The following INPP4B variants were observed in gnomAD, a reference collection of about 807,000 sequenced individuals.
INPP4B encodes inositol polyphosphate 4-phosphatase type II.
In INPP4B, 55 loss-of-function variants were observed where a neutral mutation model predicts 122.5. The observed-to-expected ratio is 0.45, with a 90% CI of 0.36 to 0.56. The LOEUF is 0.56. Ranked by LOEUF, INPP4B falls within the 20% of genes least tolerant of loss-of-function variation. The pLI, the probability that INPP4B is intolerant of heterozygous loss-of-function variation, is 0.00. For missense variants in INPP4B, 1,000 were observed against 1,097.7 expected (o/e 0.91, Z 1.26); for synonymous variants, 403 against 388.7 (o/e 1.04, Z -0.43).
At chr4:142,209,486 TA>T (rs1243898195) in intron 12 of INPP4B, among the ~76,000 whole-genome samples, 8 of 151,940 alleles carry the variant, frequency 5.3e-5, no homozygotes, top group South Asian at 2.1e-4. Context: ...TAGTTACAAA[TA>T]TTTTTTTAAA....
At chr4:142,573,113 T>G (rs1314452870) in intron 2 of INPP4B, among the ~76,000 whole-genome samples, 1 of 151,866 alleles carries the variant, frequency 6.6e-6, no homozygotes, top group Non-Finnish European at 1.5e-5. Context: ...AGCAAGGACA[T>G]CTTACCATGG....
At chr4:142,424,926 A>G (rs1807714154) in intron 5 of INPP4B, among the ~76,000 whole-genome samples, 1 of 152,106 alleles carries the variant, frequency 6.6e-6, no homozygotes, top group Admixed American at 6.6e-5. Flanking sequence ...TTATATTAAT[A>G]TAAAATTACA....
At chr4:142,040,515 A>G (rs2667088) in intron 25 of INPP4B, among the ~76,000 whole-genome samples, 15,581 of 152,236 alleles carry the variant, frequency 0.1, 1,446 homozygotes, top group African/African-American at 0.25. Flanking sequence ...TAGGAGCTGA[A>G]ATATGCAATG....
intron 2 of INPP4B, among the ~76,000 whole-genome samples, chr4:142,595,605 T>G (rs1488827658): frequency 6.6e-6 from 1 of 152,142 alleles, no homozygotes; most frequent in Non-Finnish European, 1.5e-5. Context: ...CTATTTTTTA[T>G]TTTACTTTGG....
At chr4:142,489,821 C>T (rs1821649394) in intron 2 of INPP4B, among the ~76,000 whole-genome samples, 3 of 152,144 alleles carry the variant, frequency 2.0e-5, no homozygotes, top group African/African-American at 7.2e-5. Context: ...TATTAGAGTA[C>T]ATTCAAATGT....
At chr4:142,631,049 T>C (rs950470243) in intron 2 of INPP4B, among the ~76,000 whole-genome samples, 2 of 152,182 alleles carry the variant, frequency 1.3e-5, no homozygotes, top group African/African-American at 4.8e-5. Flanking sequence ...AATTAAAAAA[T>C]ACTATTTTAC....
chr4:142,829,767 A>G (rs1436171463), intron 1 of INPP4B, among the ~76,000 whole-genome samples: 2 of 152,224 alleles, frequency 1.3e-5, no homozygotes, highest in Admixed American at 1.3e-4. Flanking sequence ...ATAAACAGAA[A>G]TCAAGAACAT....
chr4:142,268,615 A>G (rs1744198319), intron 10 of INPP4B, among the ~76,000 whole-genome samples: 1 of 152,094 alleles, frequency 6.6e-6, no homozygotes, highest in Non-Finnish European at 1.5e-5. Flanking sequence ...AGTGTCCATC[A>G]TCAGATGAAT....
intron 15 of INPP4B, among the ~76,000 whole-genome samples, chr4:142,176,766 G>T (rs1033567369): frequency 1.3e-5 from 2 of 152,132 alleles, no homozygotes; most frequent in African/African-American, 4.8e-5. Context: ...CATCTCCAGA[G>T]ATACCAACGC....
chr4:142,810,780 A>G (rs1779413523), intron 1 of INPP4B, among the ~76,000 whole-genome samples: 1 of 152,188 alleles, frequency 6.6e-6, no homozygotes. Flanking sequence ...TAAAGTCACT[A>G]AAGAAATTTT....
intron 1 of INPP4B, among the ~76,000 whole-genome samples, chr4:142,824,762 T>C (rs532576464): frequency 2.0e-4 from 30 of 151,968 alleles, no homozygotes; most frequent in African/African-American, 6.8e-4. Flanking sequence ...TATTCTACTT[T>C]ATAGAAATGA....
At chr4:142,827,580 T>A (rs1781596789) in intron 1 of INPP4B, among the ~76,000 whole-genome samples, 1 of 152,188 alleles carries the variant, frequency 6.6e-6, no homozygotes, top group African/African-American at 2.4e-5. Context: ...GTGGTAAACA[T>A]ACTTAACATT....
chr4:142,544,635 T>C (rs557400676), intron 2 of INPP4B, among the ~76,000 whole-genome samples: 1 of 152,100 alleles, frequency 6.6e-6, no homozygotes, highest in African/African-American at 2.4e-5. Flanking sequence ...CCTACCATCA[T>C]ATTGTGACTC....
In INPP4B at chr4:142,028,210, C is replaced by T; in HGVS notation, c.*572G>A. On this transcript the variant is annotated 3_prime_UTR_variant, in exon 26 of 26. Coordinates refer to ENST00000262992, the MANE Select transcript of INPP4B (RefSeq NM_001101669.3). Reference sequence around the variant, plus strand: ...GCCTGTTGCAAGGGAGGAGTCACACCTTGACTGGATGATAGAGATCATTGT... The same window carrying T: ...GCCTGTTGCAAGGGAGGAGTCACACTTTGACTGGATGATAGAGATCATTGT... The T allele has an allele frequency of 4.4e-6, 1 of 228,332 alleles. No homozygotes were observed. Among genetic ancestry groups the T allele is most frequent in the Non-Finnish European group, 8.7e-6 (1 of 114,974 alleles). 14.1% of individuals were successfully genotyped at this position (228,332 alleles called of 1,614,324 possible).
chr4:142,172,912 G>A (rs1826282538), intron 16 of INPP4B, among the ~76,000 whole-genome samples: 1 of 151,872 alleles, frequency 6.6e-6, no homozygotes, highest in African/African-American at 2.4e-5. Context: ...CATTGAAAGT[G>A]GACACTGGTT....
At chr4:142,693,300 T>G (rs1488485706) in intron 2 of INPP4B, among the ~76,000 whole-genome samples, 1 of 152,020 alleles carries the variant, frequency 6.6e-6, no homozygotes, top group Admixed American at 6.6e-5. Context: ...TACAGGGTGC[T>G]CCTCTTTGAG....
chr4:142,310,677 C>CTT (rs58821770), intron 8 of INPP4B, among the ~76,000 whole-genome samples: 49 of 143,196 alleles, frequency 3.4e-4, no homozygotes, highest in African/African-American at 3.6e-4. Flanking sequence ...AGCCCCAGTA[C>CTT]TTTTTTTTTT....
chr4:142,782,273 A>T (rs1197918890), intron 1 of INPP4B, among the ~76,000 whole-genome samples: 1 of 151,060 alleles, frequency 6.6e-6, no homozygotes, highest in Non-Finnish European at 1.5e-5. Context: ...GAGAATGATG[A>T]TTTCCAATTT....
At chr4:142,769,396 A>C (rs562613685) in intron 1 of INPP4B, among the ~76,000 whole-genome samples, 1 of 152,326 alleles carries the variant, frequency 6.6e-6, no homozygotes, top group South Asian at 2.1e-4. Flanking sequence ...AAGTGAAACC[A>C]GACCTTAATA....
Sources: gnomAD v4.1 joint callset for allele counts (sites outside exome capture counted in the v4.1 genomes callset) on GRCh38, gnomAD v4.1.1 for gene constraint, MANE v1.5 for transcripts, NCBI Gene and HGNC (gene_info 2026-07-23, HGNC 2026-07-21) for gene names.